Variants in ZC4H2 observed in about 807,000 individuals in gnomAD.
ZC4H2 encodes zinc finger C4H2 domain-containing protein.
For missense variants in ZC4H2, 137 were observed against 173.9 expected (o/e 0.79, Z 1.19); for synonymous variants, 84 against 66.3 (o/e 1.27, Z -1.30).
chrX:64,944,132 TTC>T (rs1219103929), intron 1 of ZC4H2, among the ~76,000 whole-genome samples: 7 of 103,993 alleles, frequency 6.7e-5, no homozygotes, highest in South Asian at 4.0e-4. Context: ...TAAAATTTTT[TTC>T]TTTTTTCTTT....
chrX:64,920,188 C>A lies in ZC4H2; in HGVS notation c.291G>T (p.Leu97=), dbSNP rs1929134125. ...LNKLLESTRR[L]HDEYKPLKEH... is the part of the protein sequence containing the mutation. ...CTTTCAGTGGCTTATACTCATCATG[C>A]AGCCTCCTTGTAGACTCTAGCAGCT... Residue 97 remains leucine (L), a synonymous_variant, in exon 3 of 5, where the codon CTG becomes CTT. Transcript: ENST00000374839. 8.3e-7 allele frequency: 1 copy of A among 1,209,675 alleles called. No homozygotes were observed. The highest frequency in any genetic ancestry group is 1.1e-6 in the Non-Finnish European group (1 of 895,149).
intron 1 of ZC4H2, among the ~76,000 whole-genome samples, chrX:65,018,120 C>T (rs1405477384): frequency 2.7e-5 from 3 of 112,362 alleles, no homozygotes; most frequent in Non-Finnish European, 5.6e-5. Flanking sequence ...GAACTTAAAT[C>T]AACAAGCAAA....
upstream of ZC4H2, among the ~76,000 whole-genome samples, chrX:64,979,922 G>A (rs752167829): frequency 3.6e-5 from 4 of 111,356 alleles, no homozygotes; most frequent in Non-Finnish European, 7.5e-5. Flanking sequence ...TTAGCAAAAG[G>A]GAAGCCAGTC....
In ZC4H2 at chrX:65,009,889, A is replaced by ACTTGT. The variant is rs747894893; in HGVS notation, c.-272+24735_-272+24739dup. 1.2e-4 allele frequency among the ~76,000 whole-genome samples: 13 copies of ACTTGT among 112,045 alleles called. No individual in the cohort carries two copies. The East Asian group carries it at 2.8e-3, about 24-fold the overall frequency. On this transcript the variant is annotated intron_variant, in intron 1 of 4. Coordinates refer to the ZC4H2 transcript ENST00000337990. The stretch of plus-strand genomic sequence containing the variant: ...GCACCAATGAAACTGTGTCAGCCTA[A>ACTTGT]CTTGTTGTCTTGCACATAGGGTAAA...
intron 1 of ZC4H2, among the ~76,000 whole-genome samples, chrX:64,992,473 A>C (rs1367771835): frequency 8.9e-6 from 1 of 111,865 alleles, no homozygotes; most frequent in Non-Finnish European, 1.9e-5. Context: ...TGTGGGGTTC[A>C]GAATTTATTC....
At chrX:64,938,139 A>G (rs1431463365) in intron 1 of ZC4H2, among the ~76,000 whole-genome samples, 1 of 112,308 alleles carries the variant, frequency 8.9e-6, no homozygotes, top group South Asian at 3.7e-4. Flanking sequence ...AACTATCATC[A>G]GAGAATACTA....
chrX:64,944,292 C>T (rs920383112), intron 1 of ZC4H2, among the ~76,000 whole-genome samples: 6 of 108,964 alleles, frequency 5.5e-5, no homozygotes, highest in African/African-American at 1.0e-4. Context: ...AGGTGCCTGC[C>T]ACCATGCCTG....
chrX:64,977,091 A>C (rs950102318), upstream of ZC4H2, among the ~76,000 whole-genome samples: 1 of 112,033 alleles, frequency 8.9e-6, no homozygotes, highest in East Asian at 2.8e-4. Flanking sequence ...GTCACCGGGC[A>C]AGGCAGATAA....
intron 1 of ZC4H2, among the ~76,000 whole-genome samples, chrX:64,953,049 C>T (rs1392094764): frequency 8.9e-6 from 1 of 111,801 alleles, no homozygotes; most frequent in African/African-American, 3.3e-5. Context: ...TTTGAGAAAC[C>T]TGACAAAAAC....
At chrX:64,948,425 T>G (rs1930643096) in intron 1 of ZC4H2, among the ~76,000 whole-genome samples, 1 of 112,012 alleles carries the variant, frequency 8.9e-6, no homozygotes, top group African/African-American at 3.2e-5. Context: ...ACATTTTTTT[T>G]TGTGCACACT....
chrX:65,002,867 G>C (rs758799901), intron 1 of ZC4H2, among the ~76,000 whole-genome samples: 10 of 103,631 alleles, frequency 9.6e-5, no homozygotes, highest in African/African-American at 1.1e-4. Context: ...CAGCATGCTC[G>C]TTAAGAGTCA....
intron 1 of ZC4H2, among the ~76,000 whole-genome samples, chrX:64,965,200 C>A (rs1227990668): frequency 9.0e-6 from 1 of 111,699 alleles, no homozygotes; most frequent in East Asian, 2.8e-4. Flanking sequence ...CATAGAAATT[C>A]AAAGCGCCTA....
intron 3 of ZC4H2, chrX:64,919,780 AC>A: frequency 3.9e-6 from 1 of 257,823 alleles, no homozygotes; most frequent in Non-Finnish European, 6.9e-6. Context: ...AGAGTTATAG[AC>A]ATAGTCTTGT....
At chrX:64,994,975 A>T (rs979165945) in intron 1 of ZC4H2, among the ~76,000 whole-genome samples, 8 of 111,443 alleles carry the variant, frequency 7.2e-5, no homozygotes, top group Non-Finnish European at 1.5e-4. Context: ...AATCTTACAT[A>T]ACTGCTAGTG....
rs1928944079 is a variant in ZC4H2, at chrX:64,916,682, AGAGCTGTGGGGCTTGGGGAGCCTGAT to A, written c.*1075_*1100del. The A allele has an allele frequency of 9.0e-6, 1 of 111,342 alleles. No individual in the cohort carries two copies. The allele number at this position is 111,342 out of a possible 1,213,427, so 9.2% of individuals were successfully genotyped here. Reference sequence around the variant, plus strand: ...AGGAAACCTGGCTTTGGTGGAAAGGAGAGCTGTGGGGCTTGGGGAGCCTGATGCCTTTTCTTTTGGGAGGAAAGGCC... The same window carrying A: ...AGGAAACCTGGCTTTGGTGGAAAGGAGCCTTTTCTTTTGGGAGGAAAGGCC... On this transcript the variant is annotated 3_prime_UTR_variant, in exon 5 of 5. Transcript: ENST00000374839.
chrX:64,980,883 A>C (rs1035155891), upstream of ZC4H2, among the ~76,000 whole-genome samples: 1 of 110,986 alleles, frequency 9.0e-6, no homozygotes, highest in African/African-American at 3.3e-5. Flanking sequence ...AAATAAACAT[A>C]ATAATATTTG....
At chrX:65,012,960 T>C (rs1932770002) in intron 1 of ZC4H2, among the ~76,000 whole-genome samples, 2 of 111,637 alleles carry the variant, frequency 1.8e-5, no homozygotes, top group African/African-American at 6.5e-5. Flanking sequence ...CGACAAATTT[T>C]CCCTTACATT....
At chrX:64,944,890 G>T (rs1930457954) in intron 1 of ZC4H2, among the ~76,000 whole-genome samples, 1 of 112,186 alleles carries the variant, frequency 8.9e-6, no homozygotes, top group African/African-American at 3.2e-5. Context: ...TCTTGCGCAT[G>T]CTTCATGAAG....
intron 1 of ZC4H2, among the ~76,000 whole-genome samples, chrX:64,932,795 T>C (rs1027254233): frequency 2.7e-5 from 3 of 111,408 alleles, no homozygotes; most frequent in Non-Finnish European, 5.7e-5. Context: ...AATTATGTTT[T>C]TTTTAATCTT....
Sources: allele counts gnomAD v4.1 joint callset (sites outside exome capture counted in the v4.1 genomes callset), GRCh38; gene constraint gnomAD v4.1.1; transcripts MANE v1.5; gene names NCBI Gene and HGNC (gene_info 2026-07-23, HGNC 2026-07-21).